PRKG1: variants seen among roughly 807,000 people sequenced by gnomAD.
PRKG1 encodes the protein cGMP-dependent protein kinase 1.
PRKG1 carries 35 observed loss-of-function variants against 88.1 expected under a neutral mutation model. That is an observed-to-expected ratio of 0.40 (90% CI 0.30 to 0.53). The LOEUF is 0.53. PRKG1 is among the 20% of genes least tolerant of loss of function. The pLI is 0.59. For synonymous variants in PRKG1, 303 were observed against 292.5 expected (o/e 1.04, Z -0.37); for missense variants, 540 against 839.8 (o/e 0.64, Z 4.41).
intron 1 of PRKG1, among the ~76,000 whole-genome samples, chr10:51,051,814 A>G (rs1054272388): frequency 1.3e-5 from 2 of 152,154 alleles, no homozygotes; most frequent in African/African-American, 4.8e-5. Context: ...TCACATTGCA[A>G]AGTTGCACTT....
Position 50,991,771 on chromosome 10 carries a change from G to A in PRKG1, c.266+127G>A. 1.5e-6 allele frequency: 1 copy of A among 671,162 alleles called. No individual in the cohort carries two copies. The highest frequency in any genetic ancestry group is 1.9e-6 in the Non-Finnish European group (1 of 535,938). 41.6% of individuals were successfully genotyped at this position (671,162 alleles called of 1,614,324 possible). A position where few individuals can be genotyped will look rare whatever the true frequency, so the allele number is the denominator to read the frequency against. ...CCTGCTCGCTGCGGCGCGCGGAGTGGGGGTGGCCCCGCGGCCCGGGAATGG... is the reference window on the plus strand; with the variant it reads ...CCTGCTCGCTGCGGCGCGCGGAGTGAGGGTGGCCCCGCGGCCCGGGAATGG... On this transcript the variant is annotated intron_variant, in intron 1 of 17. Coordinates refer to the PRKG1 transcript ENST00000401604. This position sits in a 1 kb window ranked among gnomAD's most constrained non-coding sequence, Gnocchi z 4.5.
At chr10:51,584,184 G>T (rs1838114695) in intron 3 of PRKG1, among the ~76,000 whole-genome samples, 1 of 152,008 alleles carries the variant, frequency 6.6e-6, no homozygotes, top group Non-Finnish European at 1.5e-5. Context: ...TCACTGTAAT[G>T]GTGTGGACCT....
intron 3 of PRKG1, among the ~76,000 whole-genome samples, chr10:51,555,641 A>G (rs1289466440): frequency 6.6e-6 from 1 of 152,034 alleles, no homozygotes; most frequent in Non-Finnish European, 1.5e-5. Context: ...TGAAACACTA[A>G]GTATGTTCCT....
At chr10:51,601,568 A>AT in intron 3 of PRKG1, among the ~76,000 whole-genome samples, 1 of 152,188 alleles carries the variant, frequency 6.6e-6, no homozygotes, top group East Asian at 1.9e-4. Context: ...TGCTGCTTCC[A>AT]TATCCCTTTC....
chr10:51,854,739 G>A (rs569341299), intron 4 of PRKG1, among the ~76,000 whole-genome samples: 5 of 152,176 alleles, frequency 3.3e-5, no homozygotes, highest in South Asian at 2.1e-4. Context: ...CGTAATCTGG[G>A]GTGGTAGAGG....
intron 2 of PRKG1, among the ~76,000 whole-genome samples, chr10:51,275,532 G>A (rs4086289): frequency 0.43 from 64,854 of 152,032 alleles, 14,585 homozygotes; most frequent in African/African-American, 0.56. Flanking sequence ...AAGTTTGAAA[G>A]TGCTATAAAT....
chr10:52,287,123 A>T (rs1842133621), intron 14 of PRKG1, among the ~76,000 whole-genome samples: 1 of 152,036 alleles, frequency 6.6e-6, no homozygotes, highest in Admixed American at 6.6e-5. Flanking sequence ...ATATAAAAGC[A>T]AAACTATAAA....
At chr10:51,312,992 T>C (rs1248131726) in intron 2 of PRKG1, among the ~76,000 whole-genome samples, 1 of 152,020 alleles carries the variant, frequency 6.6e-6, no homozygotes, top group African/African-American at 2.4e-5. Flanking sequence ...GTCATAATCT[T>C]GTGACATGGG....
chr10:51,351,543 A>G (rs1479771831), intron 2 of PRKG1, among the ~76,000 whole-genome samples: 3 of 152,024 alleles, frequency 2.0e-5, no homozygotes, highest in Admixed American at 2.0e-4. Flanking sequence ...TGTTGGCCAC[A>G]TAAATGTCTT....
intron 3 of PRKG1, among the ~76,000 whole-genome samples, chr10:51,768,716 G>A (rs1388799500): frequency 1.3e-5 from 2 of 152,094 alleles, no homozygotes; most frequent in African/African-American, 4.8e-5. Flanking sequence ...AGGAATGGGG[G>A]CTGAGGACAT....
intron 5 of PRKG1, among the ~76,000 whole-genome samples, chr10:51,956,718 T>C (rs993741335): frequency 6.6e-6 from 1 of 151,928 alleles, no homozygotes; most frequent in African/African-American, 2.4e-5. Context: ...AACTCCTCTC[T>C]CTCTTTTTTA....
At chr10:51,978,358 T>A (rs111647716) in intron 5 of PRKG1, among the ~76,000 whole-genome samples, 1,950 of 152,116 alleles carry the variant, frequency 0.013, 28 homozygotes, top group African/African-American at 0.043. Context: ...TGTAGCCCTG[T>A]AGTATAGTTT....
At chr10:52,013,405 C>A (rs1391508490) in intron 5 of PRKG1, among the ~76,000 whole-genome samples, 1 of 139,214 alleles carries the variant, frequency 7.2e-6, no homozygotes, top group African/African-American at 2.8e-5. Flanking sequence ...GGTGACAGAG[C>A]GAGACTCCGT....
intron 3 of PRKG1, among the ~76,000 whole-genome samples, chr10:51,513,702 C>T (rs1236031396): frequency 9.6e-6 from 1 of 104,122 alleles, no homozygotes; most frequent in Non-Finnish European, 1.9e-5. Flanking sequence ...TCACTCAAAG[C>T]CGCTCAACTA....
At chr10:51,284,642 T>A (rs1247773094) in intron 2 of PRKG1, among the ~76,000 whole-genome samples, 1 of 152,168 alleles carries the variant, frequency 6.6e-6, no homozygotes, top group Non-Finnish European at 1.5e-5. Context: ...TTTGTAAAGG[T>A]TATTACTGTT....
At chr10:51,987,487 A>G (rs1208898075) in intron 5 of PRKG1, among the ~76,000 whole-genome samples, 2 of 151,020 alleles carry the variant, frequency 1.3e-5, no homozygotes, top group Non-Finnish European at 2.9e-5. Context: ...GAAACTTACA[A>G]TTAGAAAAGA....
chr10:52,091,696 T>A (rs896075955), intron 7 of PRKG1, among the ~76,000 whole-genome samples: 10 of 152,224 alleles, frequency 6.6e-5, no homozygotes, highest in Non-Finnish European at 1.3e-4. Context: ...AGATTTGTTT[T>A]TATTTTGTAG....
chr10:51,312,526 C>G (rs1342172436), intron 2 of PRKG1, among the ~76,000 whole-genome samples: 1 of 152,062 alleles, frequency 6.6e-6, no homozygotes, highest in Non-Finnish European at 1.5e-5. Flanking sequence ...AATGTGCACT[C>G]TGAGATGAGG....
intron 4 of PRKG1, among the ~76,000 whole-genome samples, chr10:51,838,468 CAG>C (rs1030794256): frequency 1.3e-5 from 2 of 152,152 alleles, no homozygotes; most frequent in African/African-American, 4.8e-5. Flanking sequence ...GCAGTTTTAG[CAG>C]AGTTTCCGAA....
Sources: gnomAD v4.1 joint callset for allele counts (sites outside exome capture counted in the v4.1 genomes callset) on GRCh38, gnomAD v4.1.1 for gene constraint, Gnocchi (gnomAD v3.1) non-coding constraint, MANE v1.5 for transcripts, NCBI Gene and HGNC (gene_info 2026-07-23, HGNC 2026-07-21) for gene names.